Variants in OXR1 observed in about 807,000 individuals in gnomAD.
OXR1 encodes oxidation resistance protein 1.
A neutral mutation model predicts 104.6 loss-of-function variants in OXR1; 41 were observed. That is an observed-to-expected ratio of 0.39 (90% confidence interval 0.31 to 0.51). The LOEUF is 0.51. OXR1 is among the 20% of genes least tolerant of loss of function. OXR1 has a pLI of 0.77. For missense variants in OXR1, 955 were observed against 1,031.9 expected (o/e 0.93, Z 1.02); for synonymous variants, 348 against 348.4 (o/e 1.00, Z 0.01).
chr8:106,618,399 A>G (rs1214124670), intron 3 of OXR1, among the ~76,000 whole-genome samples: 1 of 152,194 alleles, frequency 6.6e-6, no homozygotes, highest in African/African-American at 2.4e-5. Flanking sequence ...CAGAACACTG[A>G]ATCTAAATAG....
chr8:106,504,746 G>A (rs571866628), intron 2 of OXR1, among the ~76,000 whole-genome samples: 1 of 152,266 alleles, frequency 6.6e-6, no homozygotes, highest in East Asian at 1.9e-4. Flanking sequence ...ATATACTAAT[G>A]AGGATTGAAA....
intron 2 of OXR1, among the ~76,000 whole-genome samples, chr8:106,488,502 G>C (rs541251699): frequency 2.3e-4 from 35 of 152,192 alleles, no homozygotes; most frequent in South Asian, 1.7e-3. Context: ...CTTGCCCATG[G>C]CTATGTCCTG....
chr8:106,746,799 G>T (rs761703767), intron 16 of OXR1, among the ~76,000 whole-genome samples: 5 of 151,960 alleles, frequency 3.3e-5, no homozygotes, highest in Non-Finnish European at 5.9e-5. Flanking sequence ...TTTTGGGGGG[G>T]GTATCATTCA....
intron 3 of OXR1, among the ~76,000 whole-genome samples, chr8:106,589,465 G>C (rs1334400310): frequency 6.6e-6 from 1 of 151,466 alleles, no homozygotes; most frequent in Non-Finnish European, 1.5e-5. Flanking sequence ...TTATGTCCTT[G>C]GGCTTGGTTG....
intron 11 of OXR1, among the ~76,000 whole-genome samples, chr8:106,722,762 C>T (rs960374044): frequency 6.6e-6 from 1 of 152,088 alleles, no homozygotes; most frequent in African/African-American, 2.4e-5. Flanking sequence ...GTTCACAAAA[C>T]GAAATTGCTT....
At chr8:106,593,068 G>A (rs573616029) in intron 3 of OXR1, among the ~76,000 whole-genome samples, 44 of 152,074 alleles carry the variant, frequency 2.9e-4, no homozygotes, top group African/African-American at 1.0e-3. Flanking sequence ...AAGCTTTCCC[G>A]GATTCTTCAA....
At chr8:106,714,508 G>A (rs958044087) in intron 11 of OXR1, among the ~76,000 whole-genome samples, 1 of 151,956 alleles carries the variant, frequency 6.6e-6, no homozygotes, top group Admixed American at 6.5e-5. Context: ...AAATAAGCAG[G>A]TGCTAATTTT....
At chr8:106,685,106 G>A (rs1828567663) in intron 6 of OXR1, among the ~76,000 whole-genome samples, 1 of 151,802 alleles carries the variant, frequency 6.6e-6, no homozygotes, top group Admixed American at 6.6e-5. Context: ...ATATAATTAT[G>A]GCAATACTAT....
intron 7 of OXR1, among the ~76,000 whole-genome samples, chr8:106,693,665 A>G (rs1368252195): frequency 1.3e-5 from 2 of 152,056 alleles, no homozygotes; most frequent in Non-Finnish European, 1.5e-5. Context: ...TCCTAACCTC[A>G]GGTGATCCAC....
At chr8:106,487,090 C>T (rs1306014404) in intron 2 of OXR1, among the ~76,000 whole-genome samples, 1 of 146,210 alleles carries the variant, frequency 6.8e-6, no homozygotes, top group Non-Finnish European at 1.5e-5. Context: ...GTGGCAGGAT[C>T]TCAGCTCACT....
At chr8:106,618,061 A>G in intron 3 of OXR1, 1 of 1,533,620 alleles carries the variant, frequency 6.5e-7, no homozygotes, top group South Asian at 1.2e-5. Flanking sequence ...GCAGAAAGGA[A>G]ATGTTATATT....
At chr8:106,583,466 C>G (rs928483447) in intron 3 of OXR1, among the ~76,000 whole-genome samples, 1 of 152,098 alleles carries the variant, frequency 6.6e-6, no homozygotes, top group Non-Finnish European at 1.5e-5. Context: ...AAAATCAGGA[C>G]TGGAAGCAAG....
chr8:106,445,636 T>C (rs1022620123), intron 2 of OXR1, among the ~76,000 whole-genome samples: 1 of 152,294 alleles, frequency 6.6e-6, no homozygotes. Flanking sequence ...TTAGACCTTA[T>C]TTACTTTTTA....
chr8:106,688,755 A>G lies in OXR1; in HGVS notation c.526-3973A>G, dbSNP rs114865522. ...AGGAAAGTAAGGCATAGAGAGAAGA[A>G]TGATGGTTAGTAAGTGGTAGAACTG... On this transcript the variant is annotated intron_variant, in intron 6 of 16. Coordinates refer to ENST00000517566, the MANE Select transcript of OXR1 (RefSeq NM_001198533.2). 4.5e-3 allele frequency among the ~76,000 whole-genome samples: 680 copies of G among 152,284 alleles called. 4 individuals are homozygous for G. The highest frequency in any genetic ancestry group is 0.014 in the African/African-American group (602 of 41,564).
At chr8:106,277,041 T>C (rs986804890) in intron 1 of OXR1, among the ~76,000 whole-genome samples, 2 of 152,236 alleles carry the variant, frequency 1.3e-5, no homozygotes, top group Admixed American at 1.3e-4. Flanking sequence ...GTTGCCATTA[T>C]GGTTTATTGA....
At chr8:106,563,493 G>A (rs1012360239) in intron 3 of OXR1, among the ~76,000 whole-genome samples, 2 of 152,054 alleles carry the variant, frequency 1.3e-5, no homozygotes, top group Non-Finnish European at 2.9e-5. Context: ...CATAAAGCAA[G>A]TTCTTAGAGA....
chr8:106,395,147 G>A (rs971278021), intron 2 of OXR1, among the ~76,000 whole-genome samples: 2 of 152,134 alleles, frequency 1.3e-5, no homozygotes, highest in Non-Finnish European at 2.9e-5. Flanking sequence ...TTTGATGTAT[G>A]TGTATGTTTT....
At chr8:106,697,993 T>C (rs1443678125) in intron 7 of OXR1, 7 of 1,613,054 alleles carry the variant, frequency 4.3e-6, no homozygotes, top group Non-Finnish European at 5.1e-6. Flanking sequence ...CAGGCCATAA[T>C]GCAGGTCCCC....
chr8:106,743,612 C>T (rs542419232), intron 15 of OXR1, among the ~76,000 whole-genome samples: 110 of 152,286 alleles, frequency 7.2e-4, no homozygotes, highest in East Asian at 4.3e-3. Flanking sequence ...TGAGCCACCA[C>T]GCCCAACTGA....
Sources: allele counts gnomAD v4.1 joint callset (sites outside exome capture counted in the v4.1 genomes callset), GRCh38; gene constraint gnomAD v4.1.1; transcripts MANE v1.5; gene names NCBI Gene and HGNC (gene_info 2026-07-23, HGNC 2026-07-21).